The following REPS2 variants were observed in gnomAD, a reference collection of about 807,000 sequenced individuals.
The protein encoded by REPS2 is RALBP1 associated Eps domain containing 2.
A neutral mutation model predicts 53.6 loss-of-function variants in REPS2; 23 were observed. That is an observed-to-expected ratio of 0.43 (90% CI 0.31 to 0.61). The LOEUF (loss-of-function observed/expected upper bound fraction) is 0.61, where lower values mean the gene tolerates loss of function less well. Among genes scored for constraint, REPS2 ranks in the 20% least tolerant of loss-of-function variants. The pLI, the probability that REPS2 is intolerant of heterozygous loss-of-function variation, is 0.11. For synonymous variants in REPS2, 238 were observed against 218.6 expected (o/e 1.09, Z -0.78); for missense variants, 446 against 534.9 (o/e 0.83, Z 1.64).
chrX:17,124,917 G>A (rs1233056025), intron 14 of REPS2, among the ~76,000 whole-genome samples: 1 of 103,755 alleles, frequency 9.6e-6, no homozygotes, highest in Non-Finnish European at 2.0e-5. Context: ...AATGTGGAGT[G>A]CAGTAGCGAG....
chrX:17,146,197 C>G (rs756342502), intron 17 of REPS2, among the ~76,000 whole-genome samples: 2 of 110,747 alleles, frequency 1.8e-5, no homozygotes, highest in Non-Finnish European at 3.8e-5. Flanking sequence ...AGGCCCTGTA[C>G]GATCTGGCTC....
At chrX:17,079,902 G>A (rs763492063) in intron 13 of REPS2, among the ~76,000 whole-genome samples, 1 of 112,380 alleles carries the variant, frequency 8.9e-6, no homozygotes, top group African/African-American at 3.2e-5. Flanking sequence ...AAATTTTAGT[G>A]TATTGCATAT....
At chrX:17,082,218 AGG>A (rs200008733) in intron 13 of REPS2, among the ~76,000 whole-genome samples, 1 of 111,825 alleles carries the variant, frequency 8.9e-6, no homozygotes, top group Non-Finnish European at 1.9e-5. Flanking sequence ...GCCTGGCAGA[AGG>A]GGCAGAGATG....
chrX:17,190,058 C>G, the REPS2 span, among the ~76,000 whole-genome samples: 1 of 112,185 alleles, frequency 8.9e-6, no homozygotes, highest in Admixed American at 9.4e-5. Flanking sequence ...TTTTAGTTGT[C>G]AGTATGCCGT....
intron 5 of REPS2, among the ~76,000 whole-genome samples, chrX:17,045,305 G>A (rs755692490): frequency 7.3e-5 from 8 of 109,864 alleles, no homozygotes; most frequent in Non-Finnish European, 1.3e-4. Context: ...AAAAAATCCC[G>A]GTATACAAAA....
chrX:17,045,854 A>G (rs1255352663), intron 5 of REPS2, among the ~76,000 whole-genome samples: 1 of 111,151 alleles, frequency 9.0e-6, no homozygotes, highest in South Asian at 3.8e-4. Flanking sequence ...TGACATCTCA[A>G]GGTTTTACAG....
intron 5 of REPS2, among the ~76,000 whole-genome samples, chrX:17,037,185 G>A (rs1051275413): frequency 9.0e-6 from 1 of 111,465 alleles, no homozygotes; most frequent in African/African-American, 3.3e-5. Flanking sequence ...TTTTGAGGAA[G>A]GATTTCTAGC....
At chrX:17,088,491 C>T (rs2062571178) in intron 13 of REPS2, among the ~76,000 whole-genome samples, 2 of 110,535 alleles carry the variant, frequency 1.8e-5, no homozygotes, top group Admixed American at 9.6e-5. Context: ...TAAAAGAGAA[C>T]TTGAATGTCA....
intron 14 of REPS2, among the ~76,000 whole-genome samples, chrX:17,113,586 T>C (rs987584951): frequency 1.8e-5 from 2 of 111,637 alleles, no homozygotes; most frequent in African/African-American, 6.5e-5. Flanking sequence ...CAACCTGTGT[T>C]GATTGAATCT....
the REPS2 span, among the ~76,000 whole-genome samples, chrX:17,185,384 A>G: frequency 2.7e-5 from 3 of 111,723 alleles, no homozygotes; most frequent in Non-Finnish European, 3.8e-5. Context: ...CAAGGTATAC[A>G]GAAATGGGGT....
intron 1 of REPS2, among the ~76,000 whole-genome samples, chrX:16,954,805 CTTTTT>C (rs58924467): frequency 6.7e-5 from 4 of 59,329 alleles, no homozygotes; most frequent in East Asian, 8.3e-4. Flanking sequence ...TTATTTATAA[CTTTTT>C]TTTTTTTTTT....
intron 17 of REPS2, among the ~76,000 whole-genome samples, chrX:17,144,864 G>A (rs923899373): frequency 4.5e-5 from 5 of 111,774 alleles, no homozygotes; most frequent in Non-Finnish European, 7.5e-5. Flanking sequence ...AATTCCAGGA[G>A]ATGCAAAGTG....
intron 5 of REPS2, among the ~76,000 whole-genome samples, chrX:17,043,258 C>T (rs929920472): frequency 1.8e-5 from 2 of 111,650 alleles, no homozygotes; most frequent in Non-Finnish European, 3.8e-5. Context: ...CATGTGCCCT[C>T]TCCCTTTGTC....
intron 13 of REPS2, among the ~76,000 whole-genome samples, chrX:17,096,520 C>T (rs1411543482): frequency 3.9e-5 from 4 of 103,756 alleles, no homozygotes; most frequent in East Asian, 3.0e-4. Context: ...ATTAGCCGGG[C>T]GTAGTGGCGG....
In REPS2 at chrX:16,951,550, CACACACACA is replaced by C. The variant is rs1189996031; in HGVS notation, c.273+4417_273+4425del. Among the ~76,000 whole-genome samples, 181 of 32,000 alleles carry C rather than the reference CACACACACA, an allele frequency of 5.7e-3. 4 individuals carry two copies. The highest frequency in any genetic ancestry group is 0.015 in the Admixed American group (29 of 1,950). The allele number at this position is 32,000 out of a possible 115,157, so 27.8% of individuals were successfully genotyped here. A position where few individuals can be genotyped will look rare whatever the true frequency, so the allele number is the denominator to read the frequency against. On this transcript the variant is annotated intron_variant, in intron 1 of 17. Coordinates refer to ENST00000357277, the MANE Select transcript of REPS2 (RefSeq NM_004726.3). ...ACACACACACACACACACACACACACACACACACACCCCCGCTACCTACCTCTCTCTGGG... is the reference window on the plus strand; with the variant it reads ...ACACACACACACACACACACACACACCCCCCGCTACCTACCTCTCTCTGGG...
rs1569171874 is a variant in REPS2 at position 17,093,182 on chromosome X, ATATATATATATATATATAAT to A, written c.1517-10534_1517-10515del. 1.0e-3 allele frequency among the ~76,000 whole-genome samples: 12 copies of A among 11,973 alleles called. 1 individual carries two copies. In the South Asian group the frequency reaches 0.026, roughly 26 times the overall value. The allele number at this position is 11,973 out of a possible 115,157, so 10.4% of individuals were successfully genotyped here. A position where few individuals can be genotyped will look rare whatever the true frequency, so the allele number is the denominator to read the frequency against. ...GAGTTAATGCTATATATATATATAT[ATATATATATATATATATAAT>A]TTTTTTTTTGGAAAGAGTGGCAACT... is the stretch of plus-strand genomic sequence containing the variant. On this transcript the variant is annotated intron_variant, in intron 13 of 17. Transcript: ENST00000357277.
At chrX:17,079,416 C>T (rs1326396058) in intron 13 of REPS2, among the ~76,000 whole-genome samples, 1 of 111,750 alleles carries the variant, frequency 8.9e-6, no homozygotes, top group Admixed American at 9.5e-5. Context: ...AGTTGCCTGC[C>T]GTAGTACACC....
chrX:16,963,331 T>C (rs2060690164), intron 1 of REPS2, among the ~76,000 whole-genome samples: 1 of 112,285 alleles, frequency 8.9e-6, no homozygotes, highest in Non-Finnish European at 1.9e-5. Flanking sequence ...TTGTTCTGTT[T>C]TGCATTCTTC....
rs144079133 is a variant in REPS2 at position 17,039,450 on chromosome X, T to C, written c.772-7897T>C. Among the ~76,000 whole-genome samples the C allele has an allele frequency of 7.9e-3, 889 of 112,215 alleles. 13 individuals are homozygous for C. The highest frequency in any genetic ancestry group is 0.028 in the African/African-American group (860 of 30,856). On this transcript the variant is annotated intron_variant, in intron 5 of 17. Coordinates refer to ENST00000357277, the MANE Select transcript of REPS2 (RefSeq NM_004726.3). ...GCCAGATGCTTACCTGCAAAAATTA[T>C]GTGAGAAATAAAATGGTGCTCTGTC...
Sources: gnomAD v4.1 joint callset for allele counts (sites outside exome capture counted in the v4.1 genomes callset) on GRCh38, gnomAD v4.1.1 for gene constraint, MANE v1.5 for transcripts, NCBI Gene and HGNC (gene_info 2026-07-23, HGNC 2026-07-21) for gene names.